TGFBRAP1: variants seen among roughly 807,000 people sequenced by gnomAD.
TGFBRAP1 encodes the protein transforming growth factor-beta receptor-associated protein 1.
Under a neutral mutation model 83.2 loss-of-function variants are expected in TGFBRAP1, and 20 were observed. The observed-to-expected ratio is 0.24, with a 90% CI of 0.17 to 0.35. The LOEUF is 0.35. TGFBRAP1 is among the 10% of genes least tolerant of loss of function. The probability of loss-of-function intolerance (pLI) is 1.00; values close to 1 mark genes in which losing one functional copy is unlikely to be tolerated. For missense variants in TGFBRAP1, 950 were observed against 1,099.4 expected (o/e 0.86, Z 1.92); for synonymous variants, 415 against 459.8 (o/e 0.90, Z 1.25).
intron 4 of TGFBRAP1, 77 bp from the exon 5 acceptor site, chr2:105,284,475 A>G (rs1677648139): frequency 3.0e-6 from 4 of 1,327,848 alleles, no homozygotes; most frequent in African/African-American, 2.9e-5. Context: ...CTAACCCTAG[A>G]TAAGTGTTCG....
At chr2:105,297,126 A>T (rs990513068) in intron 3 of TGFBRAP1, among the ~76,000 whole-genome samples, 3 of 152,156 alleles carry the variant, frequency 2.0e-5, no homozygotes, top group African/African-American at 7.2e-5. Flanking sequence ...TGGAAGAGTC[A>T]GAACTGCAGT....
chr2:105,324,205 C>T (rs558634730), intron 1 of TGFBRAP1: 7 of 152,198 alleles, frequency 4.6e-5, no homozygotes, highest in Non-Finnish European at 1.0e-4. Flanking sequence ...GATCATTATA[C>T]TACAGCCATA....
At chr2:105,322,772 C>T (rs180925942) in intron 1 of TGFBRAP1, among the ~76,000 whole-genome samples, 1 of 152,266 alleles carries the variant, frequency 6.6e-6, no homozygotes, top group East Asian at 1.9e-4. Flanking sequence ...CATATGATGA[C>T]AAAATTGCCC....
At chr2:105,263,076 GAC>G (rs1457475988), downstream of TGFBRAP1, among the ~76,000 whole-genome samples, 8 of 152,188 alleles carry the variant, frequency 5.3e-5, no homozygotes, top group African/African-American at 1.7e-4. Flanking sequence ...TTCACTGACA[GAC>G]ACATTTAGGA....
In TGFBRAP1 at chr2:105,284,412, C is replaced by T. The variant is rs374082388; in HGVS notation, c.1039-14G>A. ...TCTGTACATTACCTGCAAGGAAAGA[C>T]GGGTGTAATCTCTTAGTGAATCTTG... On this transcript the variant is annotated splice_polypyrimidine_tract_variant and intron_variant, in intron 4 of 11. Transcript: ENST00000393359. 2.1e-5 allele frequency: 34 copies of T among 1,612,634 alleles called. No homozygotes were observed. In the African/African-American group the frequency reaches 2.7e-4, roughly 13 times the overall value.
At chr2:105,305,489 C>T (rs1356191517) in intron 2 of TGFBRAP1, among the ~76,000 whole-genome samples, 2 of 152,090 alleles carry the variant, frequency 1.3e-5, no homozygotes, top group Non-Finnish European at 2.9e-5. Context: ...ATAAGGCTGT[C>T]CAGAGAATTA....
chr2:105,261,803 G>C (rs1053796490), downstream of TGFBRAP1, among the ~76,000 whole-genome samples: 2 of 152,120 alleles, frequency 1.3e-5, no homozygotes, highest in African/African-American at 2.4e-5. Context: ...GGAGGAAAAG[G>C]GGCAACTGAA....
chr2:105,261,381 T>C (rs1676783088), downstream of TGFBRAP1, among the ~76,000 whole-genome samples: 1 of 152,092 alleles, frequency 6.6e-6, no homozygotes, highest in African/African-American at 2.4e-5. Flanking sequence ...AGGGAAAAAC[T>C]GATATTTCAA....
intron 2 of TGFBRAP1, among the ~76,000 whole-genome samples, chr2:105,299,949 G>T (rs1245151296): frequency 6.6e-5 from 10 of 152,204 alleles, no homozygotes; most frequent in Admixed American, 6.5e-4. Flanking sequence ...AGGTGATAAA[G>T]TCTATTGTTT....
chr2:105,265,952 A>G lies in TGFBRAP1; in HGVS notation c.*1431T>C, dbSNP rs1193361974. 6.6e-6 allele frequency: 1 copy of G among 152,222 alleles called. No individual in the cohort carries two copies. Among genetic ancestry groups the G allele is most frequent in the Non-Finnish European group, 1.5e-5 (1 of 68,034 alleles). 9.4% of individuals were successfully genotyped at this position (152,222 alleles called of 1,614,324 possible). A position where few individuals can be genotyped will look rare whatever the true frequency, so the allele number is the denominator to read the frequency against. ...GCTTGGGCTGATGAAGAGAGGGTGT[A>G]TTCAGGGTCCTCTCTTGTCATATGT... On this transcript the variant is annotated 3_prime_UTR_variant, in exon 12 of 12. Coordinates refer to ENST00000393359, the MANE Select transcript of TGFBRAP1 (RefSeq NM_004257.6).
chr2:105,272,995 T>G lies in TGFBRAP1; in HGVS notation c.1832A>C (p.His611Pro), dbSNP rs746260479. ...KRLQKEEYHT[H>P]LAVLYLEEVL... ...CTCTTCCAGGTACAGCACAGCTAAG[T>G]GGGTGTGATACTCTTCTTTCTGCAG... The change falls in exon 10 of 12, where the codon CAC becomes CCC. Residue 611 changes from histidine to proline, a missense_variant. His to Pro is a moderately conservative substitution (Grantham distance 77, BLOSUM62 -2). Coordinates refer to ENST00000393359, the MANE Select transcript of TGFBRAP1 (RefSeq NM_004257.6). 6.2e-7 allele frequency: 1 copy of G among 1,612,392 alleles called. No individual in the cohort carries two copies. The highest frequency in any genetic ancestry group is 8.5e-7 in the Non-Finnish European group (1 of 1,179,668).
chr2:105,287,826 G>A (rs1345809025), intron 4 of TGFBRAP1, among the ~76,000 whole-genome samples: 1 of 151,992 alleles, frequency 6.6e-6, no homozygotes, highest in East Asian at 1.9e-4. Context: ...AGTAATGGAG[G>A]GAGGTGGATA....
At chr2:105,260,620 G>A (rs556103277), downstream of TGFBRAP1, among the ~76,000 whole-genome samples, 13 of 152,226 alleles carry the variant, frequency 8.5e-5, no homozygotes, top group South Asian at 2.1e-4. Context: ...ATGTTTAATG[G>A]GGACAGGGTT....
chr2:105,315,098 T>A (rs1433136170), intron 1 of TGFBRAP1, among the ~76,000 whole-genome samples: 2 of 152,104 alleles, frequency 1.3e-5, no homozygotes, highest in Non-Finnish European at 2.9e-5. Context: ...CAAAGTAGTT[T>A]GTATTTCTAG....
intron 2 of TGFBRAP1, among the ~76,000 whole-genome samples, chr2:105,301,911 C>T (rs1370504394): frequency 1.4e-5 from 2 of 145,564 alleles, no homozygotes; most frequent in Admixed American, 1.4e-4. Flanking sequence ...GAGATCATAT[C>T]GAAATTTTTC....
At chr2:105,282,555 T>C (rs1397267526) in intron 5 of TGFBRAP1, among the ~76,000 whole-genome samples, 1 of 152,202 alleles carries the variant, frequency 6.6e-6, no homozygotes, top group East Asian at 1.9e-4. Flanking sequence ...CTGGGCCTAG[T>C]GGCTCATGGC....
At chr2:105,276,460 T>A (rs1326970410) in intron 7 of TGFBRAP1, among the ~76,000 whole-genome samples, 1 of 152,190 alleles carries the variant, frequency 6.6e-6, no homozygotes, top group Non-Finnish European at 1.5e-5. Context: ...AGGGGTGGCA[T>A]ATGAATTCTG....
intron 4 of TGFBRAP1, among the ~76,000 whole-genome samples, chr2:105,289,020 T>C (rs1242277229): frequency 6.6e-6 from 1 of 152,194 alleles, no homozygotes; most frequent in African/African-American, 2.4e-5. Context: ...CCTGCACCTG[T>C]TACTGTCCCT....
At chr2:105,249,639 G>A in the TGFBRAP1 span, 1 of 152,126 alleles carries the variant, frequency 6.6e-6, no homozygotes, top group African/African-American at 2.4e-5. Flanking sequence ...ACAAGGAGAT[G>A]AACTTTGCCA....
Sources: allele counts gnomAD v4.1 joint callset (sites outside exome capture counted in the v4.1 genomes callset), GRCh38; gene constraint gnomAD v4.1.1; transcripts MANE v1.5; gene names NCBI Gene and HGNC (gene_info 2026-07-23, HGNC 2026-07-21).